INPP4B: variants seen among roughly 807,000 people sequenced by gnomAD.
INPP4B encodes inositol polyphosphate 4-phosphatase type II.
Under a neutral mutation model 122.5 loss-of-function variants are expected in INPP4B, and 55 were observed. The observed-to-expected ratio is 0.45, with a 90% CI of 0.36 to 0.56. The LOEUF is 0.56. INPP4B is among the 20% of genes least tolerant of loss of function. INPP4B has a pLI of 0.00. For synonymous variants in INPP4B, 403 were observed against 388.7 expected, an observed-to-expected ratio of 1.04 and a Z score of -0.43; for missense variants, 1,000 against 1,097.7, an observed-to-expected ratio of 0.91 and a Z score of 1.26.
intron 2 of INPP4B, among the ~76,000 whole-genome samples, chr4:142,494,390 T>C (rs554996698): frequency 2.0e-5 from 3 of 152,154 alleles, no homozygotes; most frequent in Non-Finnish European, 4.4e-5. Context: ...AATAAAACCA[T>C]AAAATACAGG....
chr4:142,334,459 G>T (rs1187296429), intron 7 of INPP4B, among the ~76,000 whole-genome samples: 1 of 152,120 alleles, frequency 6.6e-6, no homozygotes, highest in Non-Finnish European at 1.5e-5. Flanking sequence ...GTTCCCTTTG[G>T]ATATATACCC....
intron 1 of INPP4B, among the ~76,000 whole-genome samples, chr4:142,748,377 A>G (rs1289176525): frequency 6.6e-6 from 1 of 152,062 alleles, no homozygotes; most frequent in Admixed American, 6.6e-5. Flanking sequence ...GAAAAGTAAT[A>G]TCAAAAATCA....
chr4:142,154,492 T>C (rs2152881650), intron 17 of INPP4B, among the ~76,000 whole-genome samples: 1 of 152,148 alleles, frequency 6.6e-6, no homozygotes, highest in East Asian at 1.9e-4. Flanking sequence ...CACTACAGAG[T>C]TGATTAAGAC....
At chr4:142,571,623 C>T (rs1732848006) in intron 2 of INPP4B, among the ~76,000 whole-genome samples, 1 of 151,930 alleles carries the variant, frequency 6.6e-6, no homozygotes, top group Non-Finnish European at 1.5e-5. Flanking sequence ...AATAAAAAAG[C>T]AAAAAATAAT....
At chr4:142,415,627 A>G (rs1805556433) in intron 5 of INPP4B, among the ~76,000 whole-genome samples, 1 of 152,038 alleles carries the variant, frequency 6.6e-6, no homozygotes, top group African/African-American at 2.4e-5. Context: ...TAGAAATACC[A>G]TTTGACCCAG....
chr4:142,269,576 G>A (rs938929245), intron 10 of INPP4B, among the ~76,000 whole-genome samples: 7 of 152,122 alleles, frequency 4.6e-5, no homozygotes, highest in African/African-American at 1.7e-4. Flanking sequence ...GAAAGTTTAG[G>A]GAAATGGGAG....
intron 25 of INPP4B, chr4:142,029,937 A>G: frequency 7.0e-6 from 9 of 1,289,138 alleles, no homozygotes; most frequent in Non-Finnish European, 5.9e-6. Flanking sequence ...CTTTCCATGA[A>G]CAAAAGAGCA....
intron 2 of INPP4B, among the ~76,000 whole-genome samples, chr4:142,538,274 A>G (rs1039379450): frequency 6.6e-6 from 1 of 152,158 alleles, no homozygotes; most frequent in Non-Finnish European, 1.5e-5. Context: ...CAAGAAGGGC[A>G]GCCAACAATC....
At chr4:142,253,986 C>A (rs1333692718) in intron 11 of INPP4B, among the ~76,000 whole-genome samples, 1 of 152,162 alleles carries the variant, frequency 6.6e-6, no homozygotes, top group Non-Finnish European at 1.5e-5. Flanking sequence ...CAGTGGTTCT[C>A]CCAGCTCGCA....
intron 7 of INPP4B, among the ~76,000 whole-genome samples, chr4:142,327,765 C>T (rs1201182586): frequency 6.6e-6 from 1 of 152,166 alleles, no homozygotes; most frequent in African/African-American, 2.4e-5. Flanking sequence ...CTCAAAACAA[C>T]CCTGTGAGAA....
At position 142,750,352 on chromosome 4, in the gene INPP4B, C is replaced by CA. The variant is rs1446113816; in HGVS notation, c.-253-24452dup. Among the ~76,000 whole-genome samples the CA allele has an allele frequency of 3.9e-5, 6 of 152,114 alleles. No individual in the cohort carries two copies. The East Asian group carries it at 1.2e-3, about 29-fold the overall frequency. On this transcript the variant is annotated intron_variant, in intron 1 of 25. Transcript: ENST00000262992. Reference sequence around the variant, plus strand: ...AACTTCACAGGTGTAATCATGTGTACAGCACCATTATAATTGAAAGTAATA... The same window carrying CA: ...AACTTCACAGGTGTAATCATGTGTACAAGCACCATTATAATTGAAAGTAATA...
At chr4:142,737,587 G>A (rs1332384715) in intron 1 of INPP4B, among the ~76,000 whole-genome samples, 1 of 152,162 alleles carries the variant, frequency 6.6e-6, no homozygotes, top group Non-Finnish European at 1.5e-5. Flanking sequence ...AAAAGCAATG[G>A]CAACAGAAGC....
At chr4:142,030,523 C>T (rs921569985) in intron 25 of INPP4B, among the ~76,000 whole-genome samples, 4 of 152,090 alleles carry the variant, frequency 2.6e-5, no homozygotes, top group African/African-American at 9.7e-5. Flanking sequence ...TCCTTTAGCT[C>T]TTTGTGCAAG....
chr4:142,311,249 C>T (rs770276952), intron 8 of INPP4B, among the ~76,000 whole-genome samples: 2 of 152,170 alleles, frequency 1.3e-5, no homozygotes, highest in Non-Finnish European at 2.9e-5. Context: ...TAACTTCTCT[C>T]TCCAAAATAA....
intron 4 of INPP4B, among the ~76,000 whole-genome samples, chr4:142,430,005 C>T (rs1178950702): frequency 6.6e-6 from 1 of 152,008 alleles, no homozygotes; most frequent in African/African-American, 2.4e-5. Context: ...AGAAGCAAAA[C>T]TAACATGTAT....
chr4:142,337,059 G>A (rs1289629671), intron 7 of INPP4B, among the ~76,000 whole-genome samples: 3 of 151,840 alleles, frequency 2.0e-5, no homozygotes, highest in Non-Finnish European at 4.4e-5. Context: ...TCAACTTTAT[G>A]TAAAATACAT....
rs377370247 is a variant in INPP4B, at chr4:142,209,013, T to C, written c.850A>G (p.Lys284Glu). The change falls in exon 13 of 26, where the codon AAA (lysine) becomes GAA (glutamate). Residue 284 changes from lysine (K) to glutamate (E), a missense_variant. Physicochemically the swap from Lys to Glu is moderately conservative, Grantham distance 56. Transcript: ENST00000262992. ...KEDLCRNQEI[K>E]ELGELSPHWD... ...TGTGGAGAAAGCTCACCAAGTTCTT[T>C]TATCTCCTGGTTTCTGTTAAGAGTG... 6.2e-7 allele frequency: 1 copy of C among 1,603,310 alleles called. No homozygotes were observed. Among genetic ancestry groups the C allele is most frequent in the Non-Finnish European group, 8.5e-7 (1 of 1,173,256 alleles).
chr4:142,144,895 G>A (rs913056211), intron 18 of INPP4B, among the ~76,000 whole-genome samples: 1 of 152,052 alleles, frequency 6.6e-6, no homozygotes, highest in South Asian at 2.1e-4. Context: ...TTTTATAAAT[G>A]TTTGTATTTT....
intron 2 of INPP4B, among the ~76,000 whole-genome samples, chr4:142,703,847 T>C (rs936215918): frequency 2.0e-5 from 3 of 152,182 alleles, no homozygotes; most frequent in African/African-American, 7.2e-5. Flanking sequence ...ACCAGACTAG[T>C]AACTCAGAAG....
Sources: allele counts gnomAD v4.1 joint callset (sites outside exome capture counted in the v4.1 genomes callset), GRCh38; gene constraint gnomAD v4.1.1; transcripts MANE v1.5; gene names NCBI Gene and HGNC (gene_info 2026-07-23, HGNC 2026-07-21).